PPP1R9A: variants seen among roughly 807,000 people sequenced by gnomAD.
PPP1R9A encodes the protein protein phosphatase 1 regulatory subunit 9A, also known as neurabin-1.
In PPP1R9A, 59 loss-of-function variants were observed where a neutral mutation model predicts 141.9. The ratio of observed to expected loss-of-function variants is 0.42; its 90% CI spans 0.34 to 0.52. PPP1R9A has a LOEUF of 0.52. Among genes scored for constraint, PPP1R9A ranks in the 20% least tolerant of loss-of-function variants. PPP1R9A has a pLI of 0.10. For synonymous variants in PPP1R9A, 500 were observed against 569.7 expected, an observed-to-expected ratio of 0.88 and a Z score of 1.74; for missense variants, 1,444 against 1,611.9, an observed-to-expected ratio of 0.90 and a Z score of 1.78.
Position 95,284,033 on chromosome 7 carries a change from A to G in PPP1R9A, c.3312A>G (p.Arg1104=), listed in dbSNP as rs754545879. 2 of 1,594,114 alleles carry G rather than the reference A, an allele frequency of 1.3e-6. No individual in the cohort carries two copies. The highest frequency in any genetic ancestry group is 2.2e-5 in the East Asian group (1 of 44,822). The change falls in exon 17 of 20, where the codon AGA becomes AGG. Residue 1104 remains arginine, a synonymous_variant. Coordinates refer to ENST00000433360, the MANE Select transcript of PPP1R9A (RefSeq NM_001166160.2). ...CACAAAACAGGATCTTCAGAGGCAG[A>G]CTGGAAAACTGGACACCCAAGCCAT... ...FSAGSRIFRG[R]LENWTPKPCS... is the part of the protein sequence containing the mutation.
At chr7:95,168,593 T>C (rs1328153426) in intron 5 of PPP1R9A, among the ~76,000 whole-genome samples, 13 of 150,998 alleles carry the variant, frequency 8.6e-5, no homozygotes, top group Non-Finnish European at 1.8e-4. Context: ...AACAACAGAG[T>C]GAAGAGACAG....
In PPP1R9A at chr7:95,250,253, AAAGT is replaced by A; in HGVS notation, c.2396+2_2396+5del. The A allele has an allele frequency of 6.2e-7, 1 of 1,600,604 alleles. No individual in the cohort carries two copies. Among genetic ancestry groups the A allele is most frequent in the Non-Finnish European group, 8.5e-7 (1 of 1,174,902 alleles). ...AGAAGTTGATCAAGGATTTTCAACA[AAAGT>A]AAGCCGCTTCTAATAACTAAAGAAT... is the stretch of plus-strand genomic sequence containing the variant. On this transcript the variant is annotated splice_donor_variant and coding_sequence_variant, in exon 10 of 20. Transcript: ENST00000433360. LOFTEE classifies it high-confidence loss of function.
At chr7:95,104,327 G>T (rs529385554) in intron 2 of PPP1R9A, among the ~76,000 whole-genome samples, 323 of 152,270 alleles carry the variant, frequency 2.1e-3, no homozygotes, top group Non-Finnish European at 2.0e-3. Context: ...ACTGCTTTAA[G>T]TAAACCTTTC....
chr7:94,969,081 T>A (rs1798568961), intron 2 of PPP1R9A, among the ~76,000 whole-genome samples: 1 of 152,150 alleles, frequency 6.6e-6, no homozygotes, highest in Admixed American at 6.5e-5. Flanking sequence ...TGCATTGGGT[T>A]AGAACATGCT....
rs762908494 is a variant in PPP1R9A, at chr7:95,279,627, G to A, written c.3297-4391G>A. ...CTTTTCCATACTTAAAAAAGCTCTTGAAAATCTAATAAGTTACTGTTTAAC... is the reference window on the plus strand; with the variant it reads ...CTTTTCCATACTTAAAAAAGCTCTTAAAAATCTAATAAGTTACTGTTTAAC... On this transcript the variant is annotated intron_variant, in intron 16 of 19. Coordinates refer to ENST00000433360, the MANE Select transcript of PPP1R9A (RefSeq NM_001166160.2). Among the ~76,000 whole-genome samples, 7 of 152,204 alleles carry A rather than the reference G, an allele frequency of 4.6e-5. No homozygotes were observed. The East Asian group carries it at 1.4e-3, about 29-fold the overall frequency.
intron 2 of PPP1R9A, among the ~76,000 whole-genome samples, chr7:95,102,838 G>A (rs770211318): frequency 6.6e-6 from 1 of 152,182 alleles, no homozygotes; most frequent in Non-Finnish European, 1.5e-5. Context: ...AGAATATCCT[G>A]TTTGAAAGAC....
intron 2 of PPP1R9A, among the ~76,000 whole-genome samples, chr7:95,029,369 C>T (rs1219259587): frequency 1.3e-5 from 2 of 151,982 alleles, no homozygotes; most frequent in East Asian, 3.9e-4. Context: ...GTTTTGAGTC[C>T]ATTGGAAGTA....
intron 2 of PPP1R9A, among the ~76,000 whole-genome samples, chr7:95,067,557 GATACTT>G (rs1183142817): frequency 6.6e-6 from 1 of 152,110 alleles, no homozygotes; most frequent in Non-Finnish European, 1.5e-5. Context: ...AGAAAGAAGA[GATACTT>G]ATATACATGA....
intron 2 of PPP1R9A, among the ~76,000 whole-genome samples, chr7:95,099,042 T>G (rs1335706672): frequency 2.0e-5 from 3 of 152,214 alleles, no homozygotes; most frequent in Non-Finnish European, 4.4e-5. Flanking sequence ...ATTGGTCCTC[T>G]CCATCTGTTT....
rs559986383 is a variant in PPP1R9A, at chr7:95,134,147, A to C, written c.1649+13315A>C. Among the ~76,000 whole-genome samples, 19 of 152,254 alleles carry C rather than the reference A, an allele frequency of 1.2e-4. No individual in the cohort carries two copies. In the East Asian group the frequency reaches 3.7e-3, roughly 29 times the overall value. On this transcript the variant is annotated intron_variant, in intron 4 of 19. Coordinates refer to ENST00000433360, the MANE Select transcript of PPP1R9A (RefSeq NM_001166160.2). ...GAATACTATGCAGCCATAAAAAAAGAATGAGTTCATGTCCTTTGCAGGGAC... is the reference window on the plus strand; with the variant it reads ...GAATACTATGCAGCCATAAAAAAAGCATGAGTTCATGTCCTTTGCAGGGAC...
intron 3 of PPP1R9A, among the ~76,000 whole-genome samples, chr7:95,111,917 C>A (rs1820647422): frequency 6.6e-6 from 1 of 151,706 alleles, no homozygotes; most frequent in Admixed American, 6.6e-5. Flanking sequence ...GGAATGACAC[C>A]CTGCCTACTG....
chr7:95,161,872 A>G lies in PPP1R9A; in HGVS notation c.1655A>G (p.Gln552Arg), dbSNP rs1482975443. Residue 552 changes from glutamine to arginine, a missense_variant, in exon 5 of 20, where the codon CAA becomes CGA. Gln to Arg is a conservative substitution (Grantham distance 43, BLOSUM62 1). Transcript: ENST00000433360. ...ATTTTTTCCTCTTTCTAAAGAATAC[A>G]AGTCAATGACCAGATTGTGGAAGTG... Reference protein sequence around the residue: ...GGAAQRDGRIQVNDQIVEVDG... With the variant: ...GGAAQRDGRIRVNDQIVEVDG... 1 of 1,604,576 alleles carries G rather than the reference A, an allele frequency of 6.2e-7. No individual in the cohort carries two copies. The highest frequency in any genetic ancestry group is 1.1e-5 in the South Asian group (1 of 89,350).
rs138619857 is a variant in PPP1R9A, at chr7:95,034,528, T to G, written c.1396-76731T>G. ...GAATTACAGCCAGCTAATTTTCACA[T>G]TTTTAGTAGACACAGGGTTTCACCA... On this transcript the variant is annotated intron_variant, in intron 2 of 19. Transcript: ENST00000433360. Among the ~76,000 whole-genome samples, 481 of 152,178 alleles carry G rather than the reference T, an allele frequency of 3.2e-3. 20 individuals are homozygous for G. In the East Asian group the frequency reaches 0.074, roughly 23 times the overall value.
intron 2 of PPP1R9A, among the ~76,000 whole-genome samples, chr7:94,984,725 C>T (rs1431945074): frequency 3.3e-5 from 5 of 151,812 alleles, no homozygotes; most frequent in East Asian, 3.8e-4. Flanking sequence ...TCTCTCTTTC[C>T]TTCTTTATTA....
At chr7:95,073,629 T>C (rs867785123) in intron 2 of PPP1R9A, among the ~76,000 whole-genome samples, 1 of 142,516 alleles carries the variant, frequency 7.0e-6, no homozygotes, top group South Asian at 2.2e-4. Context: ...AATAAGTTTT[T>C]TTTTTTTTTT....
At chr7:95,225,938 T>A (rs1342852170) in intron 7 of PPP1R9A, 23 bp from the exon 8 acceptor site, 11 of 1,584,482 alleles carry the variant, frequency 6.9e-6, no homozygotes, top group Non-Finnish European at 9.5e-6. Flanking sequence ...ACAGCTGGAT[T>A]TCTGAAATCC....
intron 12 of PPP1R9A, among the ~76,000 whole-genome samples, chr7:95,259,618 C>G (rs1396010897): frequency 2.0e-5 from 3 of 152,138 alleles, no homozygotes; most frequent in African/African-American, 7.2e-5. Flanking sequence ...CAGACCCCTA[C>G]CACCATATCT....
chr7:95,036,368 T>C (rs1336555429), intron 2 of PPP1R9A: 1 of 152,194 alleles, frequency 6.6e-6, no homozygotes, highest in Non-Finnish European at 1.5e-5. Flanking sequence ...CAGGAAGATA[T>C]TTAATACAAG....
At position 95,226,046 on chromosome 7, in the gene PPP1R9A, T is replaced by C; in HGVS notation, c.2042T>C (p.Leu681Pro). The change falls in exon 8 of 20, where the codon CTG becomes CCG. Residue 681 changes from leucine to proline, a missense_variant. Leu to Pro is a moderately conservative substitution (Grantham distance 98, BLOSUM62 -3). Around this residue, in one of 5 missense-constraint regions of PPP1R9A, gnomAD observed 488 missense variants for 542.0 expected, o/e 0.90. Coordinates refer to ENST00000433360, the MANE Select transcript of PPP1R9A (RefSeq NM_001166160.2). ...GSDMAIEVFELPENEDMFSPS... is the reference protein window; with the variant it reads ...GSDMAIEVFEPPENEDMFSPS... ...GACATGGCCATTGAAGTCTTTGAGC[T>C]GCCTGAGAATGAGGACATGTTTTCC... is the stretch of plus-strand genomic sequence containing the variant. 1 of 1,613,724 alleles carries C rather than the reference T, an allele frequency of 6.2e-7. No homozygotes were observed. Among genetic ancestry groups the C allele is most frequent in the Admixed American group, 1.7e-5 (1 of 59,960 alleles).
Sources: allele counts gnomAD v4.1 joint callset (sites outside exome capture counted in the v4.1 genomes callset), GRCh38; gene constraint gnomAD v4.1.1; regional missense constraint gnomAD v4.1.1; transcripts MANE v1.5; gene names NCBI Gene and HGNC (gene_info 2026-07-23, HGNC 2026-07-21).